OPCML: variants seen among roughly 807,000 people sequenced by gnomAD.
The protein encoded by OPCML is opioid binding protein/cell adhesion molecule like.
A neutral mutation model predicts 37.8 loss-of-function variants in OPCML; 13 were observed. That is an observed-to-expected ratio of 0.34 (90% CI 0.22 to 0.55). The LOEUF (loss-of-function observed/expected upper bound fraction) is 0.55. Among genes scored for constraint, OPCML ranks in the 20% least tolerant of loss-of-function variants. The probability of loss-of-function intolerance (pLI) is 0.91; values close to 1 mark genes in which losing one functional copy is unlikely to be tolerated. For synonymous variants in OPCML, 176 were observed against 168.8 expected, an observed-to-expected ratio of 1.04 and a Z score of -0.33; for missense variants, 341 against 435.6, an observed-to-expected ratio of 0.78 and a Z score of 1.93.
intron 3 of OPCML, among the ~76,000 whole-genome samples, chr11:132,655,751 C>T (rs1941673592): frequency 6.6e-6 from 1 of 151,898 alleles, no homozygotes; most frequent in Non-Finnish European, 1.5e-5. Flanking sequence ...GCTGCTTGCG[C>T]CAAAAGGAAA....
chr11:133,132,565 C>T (rs1474660002), intron 1 of OPCML, among the ~76,000 whole-genome samples: 3 of 152,152 alleles, frequency 2.0e-5, no homozygotes, highest in East Asian at 1.9e-4. Flanking sequence ...CGCTAATATT[C>T]ATATCAACTT....
intron 3 of OPCML, among the ~76,000 whole-genome samples, chr11:132,632,414 G>T (rs1591648471): frequency 6.6e-6 from 1 of 152,074 alleles, no homozygotes; most frequent in Non-Finnish European, 1.5e-5. Context: ...AGAAGAGGAG[G>T]TGACACTATT....
chr11:133,052,791 T>C (rs545774599), intron 1 of OPCML, among the ~76,000 whole-genome samples: 62 of 152,338 alleles, frequency 4.1e-4, no homozygotes, highest in African/African-American at 1.4e-3. Context: ...AGCCATGATC[T>C]GCTAGACGCC....
chr11:133,153,968 C>T (rs1950022345), intron 1 of OPCML, among the ~76,000 whole-genome samples: 2 of 151,822 alleles, frequency 1.3e-5, no homozygotes, highest in Non-Finnish European at 2.9e-5. Flanking sequence ...CACGGAAGTG[C>T]CCACTTTTTG....
chr11:132,620,877 C>A (rs973122515), intron 3 of OPCML, among the ~76,000 whole-genome samples: 21 of 152,186 alleles, frequency 1.4e-4, no homozygotes, highest in Non-Finnish European at 2.5e-4. Flanking sequence ...AATCACATTT[C>A]ATCTGAGGTT....
chr11:132,462,245 G>T (rs936633314), intron 4 of OPCML, among the ~76,000 whole-genome samples: 1 of 152,152 alleles, frequency 6.6e-6, no homozygotes, highest in African/African-American at 2.4e-5. Flanking sequence ...ACTTTTTGGT[G>T]ATCAGAGGTG....
At chr11:132,930,472 C>G (rs903234479) in intron 2 of OPCML, among the ~76,000 whole-genome samples, 1 of 152,204 alleles carries the variant, frequency 6.6e-6, no homozygotes, top group South Asian at 2.1e-4. Context: ...GTAGAAAACT[C>G]TGAAGATTCC....
chr11:132,440,742 T>C (rs2096029954), intron 4 of OPCML, among the ~76,000 whole-genome samples: 1 of 152,212 alleles, frequency 6.6e-6, no homozygotes, highest in African/African-American at 2.4e-5. Context: ...AAAATGTTGT[T>C]GAAACTTCTC....
chr11:133,181,973 C>T (rs1402721950), intron 1 of OPCML, among the ~76,000 whole-genome samples: 1 of 152,124 alleles, frequency 6.6e-6, no homozygotes, highest in Non-Finnish European at 1.5e-5. Context: ...CCAAGCAGGG[C>T]CCAGAAAAGA....
intron 1 of OPCML, among the ~76,000 whole-genome samples, chr11:133,307,097 TTCC>T (rs1409134888): frequency 6.6e-6 from 1 of 152,140 alleles, no homozygotes; most frequent in Non-Finnish European, 1.5e-5. Context: ...CCCTCCGCTG[TTCC>T]TCCCCTCCTT....
chr11:133,285,577 C>T (rs1196787820), intron 1 of OPCML, among the ~76,000 whole-genome samples: 1 of 152,204 alleles, frequency 6.6e-6, no homozygotes, highest in African/African-American at 2.4e-5. Flanking sequence ...GCTCAGACTT[C>T]AGCTGTTAAA....
At chr11:132,497,850 A>G (rs931327694) in intron 4 of OPCML, among the ~76,000 whole-genome samples, 3 of 152,310 alleles carry the variant, frequency 2.0e-5, no homozygotes, top group East Asian at 1.9e-4. Flanking sequence ...CCACAATGCT[A>G]TATGAAAATG....
intron 2 of OPCML, among the ~76,000 whole-genome samples, chr11:132,682,864 G>A (rs1825697223): frequency 6.6e-6 from 1 of 152,228 alleles, no homozygotes; most frequent in Non-Finnish European, 1.5e-5. Context: ...TCCCCTGCAT[G>A]TGGAAGGTCT....
chr11:133,270,030 C>T (rs567698892), intron 1 of OPCML, among the ~76,000 whole-genome samples: 4 of 152,164 alleles, frequency 2.6e-5, no homozygotes, highest in South Asian at 4.2e-4. Flanking sequence ...TCCTGCATGC[C>T]GACATTGGAA....
At chr11:133,049,926 T>C (rs1948099101) in intron 1 of OPCML, among the ~76,000 whole-genome samples, 1 of 152,224 alleles carries the variant, frequency 6.6e-6, no homozygotes, top group African/African-American at 2.4e-5. Flanking sequence ...CTCTCAGTTA[T>C]TCAGCCAAAC....
chr11:133,326,777 T>A (rs373723150), intron 1 of OPCML, among the ~76,000 whole-genome samples: 2 of 123,124 alleles, frequency 1.6e-5, no homozygotes, highest in South Asian at 3.0e-4. Flanking sequence ...GCAGTGAGTG[T>A]GTGGATGTGG....
At chr11:132,666,800 A>G (rs566120357) in intron 2 of OPCML, among the ~76,000 whole-genome samples, 125 of 152,358 alleles carry the variant, frequency 8.2e-4, no homozygotes, top group African/African-American at 2.7e-3. Context: ...AGACAAGGAC[A>G]TGGTTGTGTT....
chr11:133,075,857 T>A (rs530241419), intron 1 of OPCML, among the ~76,000 whole-genome samples: 54 of 152,314 alleles, frequency 3.5e-4, no homozygotes, highest in African/African-American at 1.3e-3. Context: ...CAAGAAGGAA[T>A]CTGCAGCAAT....
At chr11:132,832,215 A>G (rs947804009) in intron 2 of OPCML, among the ~76,000 whole-genome samples, 6 of 144,150 alleles carry the variant, frequency 4.2e-5, no homozygotes, top group African/African-American at 1.6e-4. Flanking sequence ...GTTCCTTCCC[A>G]ACCTCTTTTT....
Sources: allele counts gnomAD v4.1 joint callset (sites outside exome capture counted in the v4.1 genomes callset), GRCh38; gene constraint gnomAD v4.1.1; transcripts MANE v1.5; gene names NCBI Gene and HGNC (gene_info 2026-07-23, HGNC 2026-07-21).